The following SNPH variants were observed in gnomAD, a reference collection of about 807,000 sequenced individuals.
SNPH encodes syntaphilin.
In SNPH, 10 loss-of-function variants were observed where a neutral mutation model predicts 36.8. That is an observed-to-expected ratio of 0.27 (90% CI 0.17 to 0.46). The LOEUF (loss-of-function observed/expected upper bound fraction) is 0.46. Ranked by LOEUF, SNPH falls within the 20% of genes least tolerant of loss-of-function variation. The pLI, the probability that SNPH is intolerant of heterozygous loss-of-function variation, is 1.00. For synonymous variants in SNPH, 281 were observed against 312.2 expected (o/e 0.90, Z 1.05); for missense variants, 622 against 744.0 (o/e 0.84, Z 1.91).
In SNPH at chr20:1,266,739, TGC is replaced by T; in HGVS notation, c.-512_-511del. 7.2e-7 allele frequency: 1 copy of T among 1,398,462 alleles called. No homozygotes were observed. Among genetic ancestry groups the T allele is most frequent in the Non-Finnish European group, 9.3e-7 (1 of 1,080,096 alleles). The allele number at this position is 1,398,462 out of a possible 1,614,324, so 86.6% of individuals were successfully genotyped here. ...CCGGAGTGGTGCGAGCCGGCGGGGCTGCGGAGGGCCAGTGGACTCAGGTGAGG... is the reference window on the plus strand; with the variant it reads ...CCGGAGTGGTGCGAGCCGGCGGGGCTGGAGGGCCAGTGGACTCAGGTGAGG... On this transcript the variant is annotated 5_prime_UTR_variant, in exon 2 of 7. Coordinates refer to ENST00000381867, the MANE Select transcript of SNPH (RefSeq NM_001318234.2). The surrounding 1 kb of genome is among the most constrained non-coding windows in gnomAD (Gnocchi z 6.0).
At chr20:1,272,024 AT>A (rs1166341917) in intron 2 of SNPH, among the ~76,000 whole-genome samples, 2 of 152,252 alleles carry the variant, frequency 1.3e-5, no homozygotes, top group Non-Finnish European at 2.9e-5. Flanking sequence ...CATCACTATC[AT>A]AAAATAAGAG....
intron 2 of SNPH, among the ~76,000 whole-genome samples, chr20:1,277,801 GTGTGTGTCTGTGCC>G (rs1277346969): frequency 8.7e-5 from 12 of 137,420 alleles, no homozygotes; most frequent in Admixed American, 7.8e-4. Flanking sequence ...ATGTGTGCCT[GTGTGTGTCTGTGCC>G]TGTGTGTCTG....
chr20:1,300,688 C>G lies in SNPH; in HGVS notation c.417C>G (p.Asp139Glu), dbSNP rs563962624. 2 of 1,612,052 alleles carry G rather than the reference C, an allele frequency of 1.2e-6. No individual in the cohort carries two copies. The highest frequency in any genetic ancestry group is 2.7e-5 in the African/African-American group (2 of 74,996). The stretch of plus-strand genomic sequence containing the variant: ...GGCACCTGAAAGCCCGGCTGAAGGA[C>G]ACACAGGACCGGCTCCAGGACCGGT... Reference protein sequence around the residue: ...CIRHLKARLKDTQDRLQDRDT... With the variant: ...CIRHLKARLKETQDRLQDRDT... Residue 139 changes from aspartate to glutamate, a missense_variant, in exon 6 of 7, where the codon GAC (aspartate) becomes GAG (glutamate). Transcript: ENST00000381867.
Position 1,308,385 on chromosome 20 carries a change from TTTC to T in SNPH, c.*2337_*2339del, listed in dbSNP as rs2088609904. On this transcript the variant is annotated 3_prime_UTR_variant, in exon 7 of 7. Coordinates refer to ENST00000381867, the MANE Select transcript of SNPH (RefSeq NM_001318234.2). Reference sequence around the variant, plus strand: ...GCTCTCCTGGGGCCTTCGATGGGCTTTTCTTCTTGTCAGTGGAGGGAGCAGCTC... The same window carrying T: ...GCTCTCCTGGGGCCTTCGATGGGCTTTTCTTGTCAGTGGAGGGAGCAGCTC... 1 of 152,740 alleles carries T rather than the reference TTTC, an allele frequency of 6.5e-6. No homozygotes were observed. The highest frequency in any genetic ancestry group is 1.5e-5 in the Non-Finnish European group (1 of 68,480). The allele number at this position is 152,740 out of a possible 1,614,324, so 9.5% of individuals were successfully genotyped here. A position where few individuals can be genotyped will look rare whatever the true frequency, so the allele number is the denominator to read the frequency against.
At chr20:1,301,195 T>G (rs1322955759) in intron 6 of SNPH, among the ~76,000 whole-genome samples, 2 of 152,192 alleles carry the variant, frequency 1.3e-5, no homozygotes, top group African/African-American at 4.8e-5. Context: ...ATCTACTTCC[T>G]GCTGTGGAGG....
rs149009321 is a variant in SNPH at position 1,285,471 on chromosome 20, T to C, written c.-492-9480T>C. Among the ~76,000 whole-genome samples the C allele has an allele frequency of 3.9e-4, 59 of 152,306 alleles. No individual in the cohort carries two copies. Among genetic ancestry groups the C allele is most frequent in the African/African-American group, 1.4e-3 (57 of 41,566 alleles). Reference sequence around the variant, plus strand: ...ACATGAATAACATTGAGAATAAGAATATATTCAGGCGAATAAATAATTACT... The same window carrying C: ...ACATGAATAACATTGAGAATAAGAACATATTCAGGCGAATAAATAATTACT... On this transcript the variant is annotated intron_variant, in intron 2 of 6. Coordinates refer to ENST00000381867, the MANE Select transcript of SNPH (RefSeq NM_001318234.2). The surrounding 1 kb of genome is among the most constrained non-coding windows in gnomAD (Gnocchi z 4.9).
chr20:1,298,920 T>C (rs2088473368), intron 5 of SNPH, among the ~76,000 whole-genome samples: 1 of 151,546 alleles, frequency 6.6e-6, no homozygotes, highest in Non-Finnish European at 1.5e-5. Flanking sequence ...GGGGAAAATA[T>C]TCATGAAAGC....
intron 2 of SNPH, among the ~76,000 whole-genome samples, chr20:1,278,202 G>C (rs1411491563): frequency 1.3e-5 from 2 of 151,386 alleles, no homozygotes; most frequent in African/African-American, 2.4e-5. Context: ...CTCTGTGTCA[G>C]TGTCTGTGTG....
rs1257026378 is a variant in SNPH, at chr20:1,285,519, T to C, written c.-492-9432T>C. Among the ~76,000 whole-genome samples, 2 of 152,232 alleles carry C rather than the reference T, an allele frequency of 1.3e-5. No individual in the cohort carries two copies. Among genetic ancestry groups the C allele is most frequent in the African/African-American group, 2.4e-5 (1 of 41,452 alleles). On this transcript the variant is annotated intron_variant, in intron 2 of 6. Coordinates refer to ENST00000381867, the MANE Select transcript of SNPH (RefSeq NM_001318234.2). The surrounding 1 kb of genome is among the most constrained non-coding windows in gnomAD (Gnocchi z 4.9). The stretch of plus-strand genomic sequence containing the variant: ...ACTGCTATTTACGGAGTGCTGTCCC[T>C]ATGCCAGGTCCTTGCTAGGCATTTC...
intron 2 of SNPH, among the ~76,000 whole-genome samples, chr20:1,289,156 A>G (rs2088320388): frequency 6.6e-6 from 1 of 152,210 alleles, no homozygotes. Flanking sequence ...GCAGGTGCCC[A>G]TGACCTGGAA....
intron 4 of SNPH, among the ~76,000 whole-genome samples, chr20:1,296,862 C>A (rs2088442254): frequency 6.6e-6 from 1 of 152,218 alleles, no homozygotes; most frequent in Non-Finnish European, 1.5e-5. Flanking sequence ...AGTTGAGGAC[C>A]TTGATAAGAG....
chr20:1,292,593 G>A (rs1386677270), intron 2 of SNPH, among the ~76,000 whole-genome samples: 1 of 152,124 alleles, frequency 6.6e-6, no homozygotes, highest in Non-Finnish European at 1.5e-5. Context: ...TCCTTATCAG[G>A]AACTTTCTAA....
At chr20:1,292,416 C>G (rs549505457) in intron 2 of SNPH, among the ~76,000 whole-genome samples, 3 of 152,186 alleles carry the variant, frequency 2.0e-5, no homozygotes, top group Non-Finnish European at 2.9e-5. Context: ...ACATCAAGAG[C>G]TTTGCTCTGA....
chr20:1,273,490 A>G (rs2088096042), intron 2 of SNPH, among the ~76,000 whole-genome samples: 1 of 152,252 alleles, frequency 6.6e-6, no homozygotes, highest in Admixed American at 6.5e-5. Context: ...ACACACAGGC[A>G]CCAAGATGTG....
chr20:1,275,620 C>T (rs947337182), intron 2 of SNPH, among the ~76,000 whole-genome samples: 1 of 152,064 alleles, frequency 6.6e-6, no homozygotes. Flanking sequence ...CTCTCCCTGC[C>T]CCTCATTTTG....
Position 1,266,595 on chromosome 20 carries a change from TG to T in SNPH, c.-599-56del. On this transcript the variant is annotated intron_variant, in intron 1 of 6. Transcript: ENST00000381867. The surrounding 1 kb of genome is among the most constrained non-coding windows in gnomAD (Gnocchi z 6.0). The stretch of plus-strand genomic sequence containing the variant: ...GTCAGCGGCCGGGGGCTCAGCTGCC[TG>T]GGTGTTCCCCGCCCGCGCTCACCCG... 1 of 1,415,656 alleles carries T rather than the reference TG, an allele frequency of 7.1e-7. No individual in the cohort carries two copies. The highest frequency in any genetic ancestry group is 1.5e-5 in the African/African-American group (1 of 65,982). The allele number at this position is 1,415,656 out of a possible 1,614,324, so 87.7% of individuals were successfully genotyped here. A position where few individuals can be genotyped will look rare whatever the true frequency, so the allele number is the denominator to read the frequency against.
At position 1,305,626 on chromosome 20, in the gene SNPH, G is replaced by A. The variant is rs1352312931; in HGVS notation, c.1189G>A (p.Ala397Thr). 6.2e-7 allele frequency: 1 copy of A among 1,613,562 alleles called. No homozygotes were observed. The highest frequency in any genetic ancestry group is 1.1e-5 in the South Asian group (1 of 91,082). ...ESGDRCPELD[A>T]HPSGPRDPNS... The stretch of plus-strand genomic sequence containing the variant: ...AGGGGACAGGTGCCCAGAGCTGGAT[G>A]CCCACCCTTCAGGGCCCAGAGACCC... Residue 397 changes from alanine to threonine, a missense_variant, in exon 7 of 7, where the codon GCC (alanine) becomes ACC (threonine). Ala to Thr is a moderately conservative substitution (Grantham distance 58). Coordinates refer to ENST00000381867, the MANE Select transcript of SNPH (RefSeq NM_001318234.2).
At chr20:1,269,621 G>A (rs932597418) in intron 2 of SNPH, among the ~76,000 whole-genome samples, 6 of 152,210 alleles carry the variant, frequency 3.9e-5, no homozygotes, top group African/African-American at 1.2e-4. Context: ...GAGAGATCAG[G>A]CATTTCTCCC....
At chr20:1,290,878 C>T (rs1179434211) in intron 2 of SNPH, among the ~76,000 whole-genome samples, 1 of 152,232 alleles carries the variant, frequency 6.6e-6, no homozygotes, top group African/African-American at 2.4e-5. Context: ...CTTTTTTATG[C>T]TAGCCATCCT....
Sources: allele counts gnomAD v4.1 joint callset (sites outside exome capture counted in the v4.1 genomes callset), GRCh38; gene constraint gnomAD v4.1.1; non-coding constraint Gnocchi (gnomAD v3.1); transcripts MANE v1.5; gene names NCBI Gene and HGNC (gene_info 2026-07-23, HGNC 2026-07-21).